PIEZO1: variants seen among roughly 807,000 people sequenced by gnomAD.
The protein encoded by PIEZO1 is piezo-type mechanosensitive ion channel component 1.
Under a neutral mutation model 297.2 loss-of-function variants are expected in PIEZO1, and 296 were observed. The ratio of observed to expected loss-of-function variants is 1.00; its 90% CI spans 0.91 to 1.10. PIEZO1 has a LOEUF of 1.10. Ranked by LOEUF, PIEZO1 falls within the 50% of genes least tolerant of loss-of-function variation. The pLI is 0.00. For synonymous variants in PIEZO1, 2,427 were observed against 1,507.5 expected, an observed-to-expected ratio of 1.61 and a Z score of -14.13; for missense variants, 5,018 against 3,455.5, an observed-to-expected ratio of 1.45 and a Z score of -11.34.
chr16:88,745,079 C>T (rs1905960159), intron 2 of PIEZO1: 1 of 142,516 alleles, frequency 7.0e-6, no homozygotes, highest in African/African-American at 2.6e-5. Flanking sequence ...CCGTCACTCT[C>T]CCCCTGCAGG....
intron 22 of PIEZO1, among the ~76,000 whole-genome samples, chr16:88,730,834 G>A (rs774909823): frequency 6.6e-6 from 1 of 152,242 alleles, no homozygotes; most frequent in Non-Finnish European, 1.5e-5. Flanking sequence ...TTGGAAAGCA[G>A]CCAGTAACAA....
At chr16:88,783,590 G>C (rs1908031859) in intron 1 of PIEZO1, among the ~76,000 whole-genome samples, 1 of 152,152 alleles carries the variant, frequency 6.6e-6, no homozygotes, top group African/African-American at 2.4e-5. Flanking sequence ...AGGCTGTCCT[G>C]CTTGTTTTCA....
chr16:88,754,462 G>C (rs1567685803), intron 1 of PIEZO1, among the ~76,000 whole-genome samples: 1 of 152,296 alleles, frequency 6.6e-6, no homozygotes, highest in East Asian at 1.9e-4. Flanking sequence ...CAGTTCCTGG[G>C]ATGAGACCCT....
At chr16:88,727,222 A>G in intron 23 of PIEZO1, 30 bp from the exon 24 acceptor site, 1 of 1,507,544 alleles carries the variant, frequency 6.6e-7, no homozygotes, top group Non-Finnish European at 8.9e-7. Flanking sequence ...CCGCTGTGCC[A>G]CACGGGGACC....
chr16:88,760,345 G>A (rs563414575), intron 1 of PIEZO1, among the ~76,000 whole-genome samples: 1 of 152,150 alleles, frequency 6.6e-6, no homozygotes, highest in Admixed American at 6.5e-5. Context: ...AGAGTTGAGA[G>A]AAACTCAAGA....
chr16:88,755,166 A>G (rs946531050), intron 1 of PIEZO1, among the ~76,000 whole-genome samples: 7 of 152,210 alleles, frequency 4.6e-5, no homozygotes, highest in African/African-American at 1.7e-4. Context: ...CACATTGCAG[A>G]CGAGGAGATG....
intron 22 of PIEZO1, 65 bp downstream of exon 22, chr16:88,731,641 A>C: frequency 1.5e-6 from 2 of 1,319,628 alleles, no homozygotes; most frequent in Non-Finnish European, 2.1e-6. Context: ...GGCAGGCGGG[A>C]AACACCCCCA....
At chr16:88,778,689 C>G (rs976312397) in intron 1 of PIEZO1, among the ~76,000 whole-genome samples, 3 of 152,236 alleles carry the variant, frequency 2.0e-5, no homozygotes, top group African/African-American at 7.2e-5. Context: ...CTCACCCGCA[C>G]ACAGGAAGGG....
Position 88,737,523 on chromosome 16 carries a change from C to A in PIEZO1, c.1195+36G>T, listed in dbSNP as rs550030057. The stretch of plus-strand genomic sequence containing the variant: ...CAGCACCGGCCTCCGCCCCGCCCCC[C>A]GCACCCAGCCATACCTTGCAGTGTG... On this transcript the variant is annotated intron_variant, in intron 10 of 50. Coordinates refer to ENST00000301015, the MANE Select transcript of PIEZO1 (RefSeq NM_001142864.4). The A allele has an allele frequency of 2.1e-4, 299 of 1,438,318 alleles. 1 individual carries two copies. In the African/African-American group the frequency reaches 3.9e-3, roughly 19 times the overall value. The allele number at this position is 1,438,318 out of a possible 1,614,324, so 89.1% of individuals were successfully genotyped here. A position where few individuals can be genotyped will look rare whatever the true frequency, so the allele number is the denominator to read the frequency against.
At chr16:88,761,168 G>A (rs150738354) in intron 1 of PIEZO1, among the ~76,000 whole-genome samples, 121 of 152,306 alleles carry the variant, frequency 7.9e-4, no homozygotes, top group African/African-American at 2.5e-3. Flanking sequence ...GGGTGGGACT[G>A]GGGGAACTGT....
chr16:88,770,275 C>G (rs935654516), intron 1 of PIEZO1, among the ~76,000 whole-genome samples: 1 of 152,210 alleles, frequency 6.6e-6, no homozygotes, highest in African/African-American at 2.4e-5. Flanking sequence ...GACCTCTCAG[C>G]CTGATGCCTG....
At chr16:88,749,699 A>G (rs1288703919) in intron 1 of PIEZO1, among the ~76,000 whole-genome samples, 1 of 152,102 alleles carries the variant, frequency 6.6e-6, no homozygotes, top group African/African-American at 2.4e-5. Flanking sequence ...TGGGGTTTTG[A>G]CCCATCTTTC....
In PIEZO1 at chr16:88,733,402, T is replaced by G. The variant is rs1054133228; in HGVS notation, c.2540A>C (p.Tyr847Ser). 3.2e-6 allele frequency: 5 copies of G among 1,549,552 alleles called. No homozygotes were observed. The highest frequency in any genetic ancestry group is 4.4e-6 in the Non-Finnish European group (5 of 1,146,758). Residue 847 changes from tyrosine (Y) to serine (S), a missense_variant, in exon 19 of 51, where the codon TAC becomes TCC. By Grantham distance (144) the Tyr-to-Ser change is moderately radical. Coordinates refer to ENST00000301015, the MANE Select transcript of PIEZO1 (RefSeq NM_001142864.4). ...GGAGGCCATGGGCCGGAAGCGTGGG[T>G]AGGGCAGGGCGAAGGCCCACAGCAC... ...LVVLWAFALP[Y>S]PRFRPMASCL... is the part of the protein sequence containing the mutation.
chr16:88,748,892 C>T (rs1906210756), intron 2 of PIEZO1, among the ~76,000 whole-genome samples: 1 of 144,238 alleles, frequency 6.9e-6, no homozygotes, highest in Admixed American at 7.2e-5. Flanking sequence ...AAGATTGTGC[C>T]ACTGCACTCC....
At position 88,722,584 on chromosome 16, in the gene PIEZO1, T is replaced by A; in HGVS notation, c.4774A>T (p.Ser1592Cys). The change falls in exon 35 of 51, where the codon AGT (serine) becomes TGT (cysteine). Residue 1592 changes from serine to cysteine, a missense_variant and splice_region_variant. By Grantham distance (112) the Ser-to-Cys change is moderately radical. Coordinates refer to ENST00000301015, the MANE Select transcript of PIEZO1 (RefSeq NM_001142864.4). ...GGCTCGGGTCACCCCCGCACCTACC[T>A]GGACACGGTGCTTGGGGCATTGGGG... Reference protein sequence around the residue: ...EAPNAPSTVSSGLGAEEPLSS... With the variant: ...EAPNAPSTVSCGLGAEEPLSS... 1.3e-6 allele frequency: 2 copies of A among 1,528,674 alleles called. No individual in the cohort carries two copies. Among genetic ancestry groups the A allele is most frequent in the South Asian group, 1.2e-5 (1 of 83,632 alleles). The allele number at this position is 1,528,674 out of a possible 1,614,324, so 94.7% of individuals were successfully genotyped here.
At chr16:88,717,874 T>C (rs906244324) in intron 44 of PIEZO1, 9 of 422,854 alleles carry the variant, frequency 2.1e-5, no homozygotes, top group Non-Finnish European at 4.1e-5. Flanking sequence ...GGCTCACACT[T>C]GTCATCCCAG....
intron 44 of PIEZO1, chr16:88,718,534 C>T (rs1330000822): frequency 6.6e-6 from 1 of 152,284 alleles, no homozygotes; most frequent in Non-Finnish European, 1.5e-5. Context: ...CGTGGGTGGA[C>T]CTCAGAGACA....
Position 88,784,894 on chromosome 16 carries a change from C to A in PIEZO1, c.64+7G>T, listed in dbSNP as rs759607463. ...CCGTCGCCCCCAGGCGCCCGCCCCCCACTCACCAGCCAGCAGCGCGCAGGG... is the reference window on the plus strand; with the variant it reads ...CCGTCGCCCCCAGGCGCCCGCCCCCAACTCACCAGCCAGCAGCGCGCAGGG... On this transcript the variant is annotated splice_region_variant and intron_variant, in intron 1 of 50. Transcript: ENST00000301015. 12 of 1,438,232 alleles carry A rather than the reference C, an allele frequency of 8.3e-6. No individual in the cohort carries two copies. The highest frequency in any genetic ancestry group is 9.1e-6 in the Non-Finnish European group (10 of 1,093,880). 89.1% of individuals were successfully genotyped at this position (1,438,232 alleles called of 1,614,324 possible). A position where few individuals can be genotyped will look rare whatever the true frequency, so the allele number is the denominator to read the frequency against.
chr16:88,745,637 G>C (rs1012471760), intron 2 of PIEZO1: 2 of 152,054 alleles, frequency 1.3e-5, no homozygotes, highest in Non-Finnish European at 2.9e-5. Context: ...CAGCTACTCA[G>C]GAGGCTGAGG....
Sources: allele counts gnomAD v4.1 joint callset (sites outside exome capture counted in the v4.1 genomes callset), GRCh38; gene constraint gnomAD v4.1.1; transcripts MANE v1.5; gene names NCBI Gene and HGNC (gene_info 2026-07-23, HGNC 2026-07-21).